Variants in MTPAP observed in about 807,000 individuals in gnomAD.
MTPAP encodes the protein mitochondrial poly(A) polymerase.
Under a neutral mutation model 48.7 loss-of-function variants are expected in MTPAP, and 23 were observed. The observed-to-expected ratio is 0.47, with a 90% CI of 0.34 to 0.67. MTPAP has a LOEUF of 0.67. Ranked by LOEUF, MTPAP falls within the 30% of genes least tolerant of loss-of-function variation. The pLI is 0.01. For synonymous variants in MTPAP, 257 were observed against 254.1 expected (o/e 1.01, Z -0.11); for missense variants, 614 against 694.3 (o/e 0.88, Z 1.30).
intron 1 of MTPAP, among the ~76,000 whole-genome samples, chr10:30,344,568 T>C (rs973813551): frequency 2.6e-5 from 4 of 152,212 alleles, no homozygotes; most frequent in African/African-American, 9.6e-5. Context: ...TTTCCTTCTC[T>C]TATGCTACAG....
rs1163938999 is a variant in MTPAP, at chr10:30,313,982, T to A, written c.1387-11A>T. ...GTTTTGCTCCCTTCCCTATAGATTA[T>A]TACACAGAAGAAAAAATGAGTAAGT... On this transcript the variant is annotated splice_polypyrimidine_tract_variant and intron_variant, in intron 8 of 8. Transcript: ENST00000263063. 6.2e-7 allele frequency: 1 copy of A among 1,612,054 alleles called. No homozygotes were observed. Among genetic ancestry groups the A allele is most frequent in the Non-Finnish European group, 8.5e-7 (1 of 1,178,662 alleles).
At position 30,322,513 on chromosome 10, in the gene MTPAP, A is replaced by G. The variant is rs1202440165; in HGVS notation, c.1097T>C (p.Leu366Pro). The change falls in exon 6 of 9, where the codon CTA becomes CCA. Residue 366 changes from leucine to proline, a missense_variant. By Grantham distance (98) the Leu-to-Pro change is moderately conservative (BLOSUM62 -3). Transcript: ENST00000263063. ...CCATGCACCAGGAATACTACTTGTT[A>G]GTGAATGTGCTCGAGCCCAGCACCG... ...SVRCWARAHS[L>P]TSSIPGAWIT... The G allele has an allele frequency of 6.2e-7, 1 of 1,613,920 alleles. No homozygotes were observed. Among genetic ancestry groups the G allele is most frequent in the East Asian group, 2.2e-5 (1 of 44,878 alleles).
intron 4 of MTPAP, among the ~76,000 whole-genome samples, chr10:30,333,643 C>T (rs191498427): frequency 5.7e-4 from 87 of 152,276 alleles, no homozygotes; most frequent in Non-Finnish European, 1.0e-3. Context: ...CGGTGGCTTA[C>T]GCTTGTAATC....
chr10:30,321,579 TAA>T, intron 6 of MTPAP, among the ~76,000 whole-genome samples: 1 of 152,090 alleles, frequency 6.6e-6, no homozygotes. Context: ...GTGGGACACA[TAA>T]AGAGGAGTAG....
intron 6 of MTPAP, among the ~76,000 whole-genome samples, chr10:30,317,998 C>T (rs1840680818): frequency 2.0e-5 from 3 of 152,270 alleles, no homozygotes; most frequent in South Asian, 4.1e-4. Flanking sequence ...GCCGGAACTA[C>T]AGGCGAACAC....
At chr10:30,340,120 A>C (rs1351287731) in intron 3 of MTPAP, 106 bp downstream of exon 3, 130 of 957,968 alleles carry the variant, frequency 1.4e-4, no homozygotes, top group Non-Finnish European at 1.9e-4. Context: ...AAAACTGAAG[A>C]TCTATACCCA....
At chr10:30,322,240 T>C in intron 6 of MTPAP, 151 bp downstream of exon 6, 1 of 685,342 alleles carries the variant, frequency 1.5e-6, no homozygotes, top group South Asian at 1.8e-5. Flanking sequence ...TCCCAAATCA[T>C]CTGCTCTCGT....
intron 1 of MTPAP, among the ~76,000 whole-genome samples, chr10:30,342,096 C>G (rs1834816543): frequency 1.3e-5 from 2 of 152,134 alleles, no homozygotes; most frequent in African/African-American, 2.4e-5. Context: ...ATTAGCCAGG[C>G]ATGGTGGCGC....
At chr10:30,338,031 G>A (rs746952343) in intron 3 of MTPAP, among the ~76,000 whole-genome samples, 2 of 151,956 alleles carry the variant, frequency 1.3e-5, no homozygotes, top group Non-Finnish European at 2.9e-5. Flanking sequence ...AGGCCAAGGC[G>A]GGAGGATCGC....
At position 30,313,791 on chromosome 10, in the gene MTPAP, G is replaced by A. The variant is rs1467669107; in HGVS notation, c.1567C>T (p.Arg523Trp). 6.8e-6 allele frequency: 11 copies of A among 1,614,114 alleles called. No homozygotes were observed. The highest frequency in any genetic ancestry group is 9.3e-6 in the Non-Finnish European group (11 of 1,179,954). Residue 523 changes from arginine (R) to tryptophan (W), a missense_variant, in exon 9 of 9, where the codon CGG becomes TGG. This residue lies in a region of MTPAP where 109 missense variants were observed against 100.5 expected (regional missense o/e 1.08). Transcript: ENST00000263063. ...AATAGGGATACCAGCCCCCAGGGCC[G>A]ATTACTTGATATGGAAGGTCGATCT... Reference protein sequence around the residue: ...DTDRPSISSNRPWGLVSLLLP... With the variant: ...DTDRPSISSNWPWGLVSLLLP...
intron 4 of MTPAP, among the ~76,000 whole-genome samples, chr10:30,333,288 G>A (rs575782455): frequency 2.0e-5 from 3 of 152,258 alleles, no homozygotes; most frequent in Non-Finnish European, 4.4e-5. Flanking sequence ...TGTGCCATAA[G>A]CACTGTTCTA....
intron 6 of MTPAP, among the ~76,000 whole-genome samples, chr10:30,318,843 G>C (rs893298959): frequency 2.0e-5 from 3 of 152,138 alleles, no homozygotes; most frequent in Non-Finnish European, 4.4e-5. Flanking sequence ...GCTAGCCCTA[G>C]AAAAGCTTGA....
chr10:30,320,423 G>A (rs1840709196), intron 6 of MTPAP, among the ~76,000 whole-genome samples: 2 of 152,176 alleles, frequency 1.3e-5, no homozygotes, highest in Admixed American at 1.3e-4. Context: ...TATTCAGGAG[G>A]CTGAAGTGAG....
At chr10:30,348,998 A>G in intron 1 of MTPAP, 121 bp downstream of exon 1, 1 of 1,432,224 alleles carries the variant, frequency 7.0e-7, no homozygotes, top group Non-Finnish European at 9.7e-7. Flanking sequence ...AGAGGACAGG[A>G]CACAGCCCCA....
rs1038207252 is a variant in MTPAP at position 30,309,911 on chromosome 10, G to C, written c.*3698C>G. ...GTTTCAGGCTAATCGTTATTTCCTA[G>C]AAAGTCTCTGGCTAATTCTCAAATT... On this transcript the variant is annotated 3_prime_UTR_variant, in exon 9 of 9. Transcript: ENST00000263063. 1 of 152,148 alleles carries C rather than the reference G, an allele frequency of 6.6e-6. No homozygotes were observed. Among genetic ancestry groups the C allele is most frequent in the Non-Finnish European group, 1.5e-5 (1 of 68,038 alleles). 9.4% of individuals were successfully genotyped at this position (152,148 alleles called of 1,614,324 possible).
chr10:30,341,684 A>G (rs959583355), intron 1 of MTPAP, 44 bp from the exon 2 acceptor site: 5 of 1,603,646 alleles, frequency 3.1e-6, no homozygotes, highest in African/African-American at 2.7e-5. Flanking sequence ...CACACACACA[A>G]AATTTTAAAA....
chr10:30,324,344 T>C (rs1180675403), intron 5 of MTPAP, among the ~76,000 whole-genome samples: 1 of 151,986 alleles, frequency 6.6e-6, no homozygotes, highest in African/African-American at 2.4e-5. Flanking sequence ...ACCCTGTCTT[T>C]ATAAAAATAA....
At chr10:30,329,962 T>G (rs565142812) in intron 4 of MTPAP, among the ~76,000 whole-genome samples, 2 of 142,248 alleles carry the variant, frequency 1.4e-5, no homozygotes, top group South Asian at 4.5e-4. Context: ...GTTCTGGGTT[T>G]TTTCTTTTAA....
rs925419119 is a variant in MTPAP, at chr10:30,337,009, T to C, written c.574A>G (p.Thr192Ala). 27 of 1,612,916 alleles carry C rather than the reference T, an allele frequency of 1.7e-5. No homozygotes were observed. Among genetic ancestry groups the C allele is most frequent in the Admixed American group, 6.7e-5 (4 of 59,992 alleles). The change falls in exon 4 of 9, where the codon ACT (threonine) becomes GCT (alanine). Residue 192 changes from threonine (T) to alanine (A), a missense_variant. Physicochemically the swap from Thr to Ala is moderately conservative, Grantham distance 58 (BLOSUM62 0). Around this residue, in one of 5 missense-constraint regions of MTPAP, gnomAD observed 114 missense variants for 107.9 expected, o/e 1.06. Coordinates refer to ENST00000263063, the MANE Select transcript of MTPAP (RefSeq NM_018109.4). ...GTTAGCTGGAACTCCTTCAAGAGAG[T>C]GTTCAGCTGATCGTCTATCTAGCTA... The part of the protein sequence containing the change: ...YAESIDDQLN[T>A]LLKEFQLTEE...
Sources: allele counts gnomAD v4.1 joint callset (sites outside exome capture counted in the v4.1 genomes callset), GRCh38; gene constraint gnomAD v4.1.1; regional missense constraint gnomAD v4.1.1; transcripts MANE v1.5; gene names NCBI Gene and HGNC (gene_info 2026-07-23, HGNC 2026-07-21).